Variants in ADAMTSL1 observed in about 807,000 individuals in gnomAD.
The protein encoded by ADAMTSL1 is ADAMTS-like protein 1.
A neutral mutation model predicts 201.8 loss-of-function variants in ADAMTSL1; 126 were observed. The observed-to-expected ratio is 0.62, with a 90% confidence interval of 0.54 to 0.72. ADAMTSL1 has a LOEUF of 0.72. Ranked by LOEUF, ADAMTSL1 falls within the 30% of genes least tolerant of loss-of-function variation. The pLI is 0.00. For missense variants in ADAMTSL1, 2,679 were observed against 2,277.8 expected (o/e 1.18, Z -3.59); for synonymous variants, 1,121 against 903.4 (o/e 1.24, Z -4.32).
At chr9:17,968,158 G>T (rs1022894921) in intron 1 of ADAMTSL1, among the ~76,000 whole-genome samples, 1 of 152,070 alleles carries the variant, frequency 6.6e-6, no homozygotes, top group African/African-American at 2.4e-5. Flanking sequence ...ACCTTAGTGT[G>T]TACTGCTACC....
At chr9:18,329,606 C>A (rs1159269538) in intron 2 of ADAMTSL1, among the ~76,000 whole-genome samples, 1 of 152,188 alleles carries the variant, frequency 6.6e-6, no homozygotes, top group Non-Finnish European at 1.5e-5. Context: ...GTACTTAAAA[C>A]CCCTCATTCA....
intron 1 of ADAMTSL1, among the ~76,000 whole-genome samples, chr9:17,972,996 C>T (rs2131433814): frequency 1.3e-5 from 2 of 148,402 alleles, no homozygotes; most frequent in East Asian, 4.0e-4. Flanking sequence ...CCTTCACCCA[C>T]TTTTTGATGG....
At chr9:18,244,639 A>C (rs2132464302) in intron 2 of ADAMTSL1, among the ~76,000 whole-genome samples, 1 of 152,160 alleles carries the variant, frequency 6.6e-6, no homozygotes, top group East Asian at 1.9e-4. Flanking sequence ...GACTTTCTCC[A>C]ATTTCTCCTA....
At chr9:18,821,053 T>A (rs543486497) in intron 21 of ADAMTSL1, among the ~76,000 whole-genome samples, 2 of 152,256 alleles carry the variant, frequency 1.3e-5, no homozygotes, top group African/African-American at 4.8e-5. Context: ...CATGTTCTCA[T>A]AGATTATGGT....
At chr9:18,871,945 T>A (rs1270283768) in intron 23 of ADAMTSL1, among the ~76,000 whole-genome samples, 1 of 152,176 alleles carries the variant, frequency 6.6e-6, no homozygotes, top group Non-Finnish European at 1.5e-5. Flanking sequence ...AAAGACCAGA[T>A]TCTGGCCTTC....
intron 2 of ADAMTSL1, among the ~76,000 whole-genome samples, chr9:18,313,887 A>G (rs138494717): frequency 1.5e-3 from 225 of 152,298 alleles, no homozygotes; most frequent in African/African-American, 5.1e-3. Context: ...ACCAAATGAA[A>G]AGGCAACCTA....
intron 23 of ADAMTSL1, among the ~76,000 whole-genome samples, chr9:18,847,643 C>T (rs1317292115): frequency 6.7e-6 from 1 of 148,672 alleles, no homozygotes; most frequent in Non-Finnish European, 1.5e-5. Context: ...CTTGAGCCTT[C>T]ACATGTCTGG....
intron 2 of ADAMTSL1, among the ~76,000 whole-genome samples, chr9:18,462,372 C>A (rs955325325): frequency 2.0e-5 from 3 of 152,174 alleles, no homozygotes; most frequent in Non-Finnish European, 4.4e-5. Flanking sequence ...GAGCCCTATG[C>A]TACATACTGG....
Position 18,485,224 on chromosome 9 carries a change from C to T in ADAMTSL1, c.63+10929C>T, listed in dbSNP as rs371507580. On this transcript the variant is annotated intron_variant, in intron 1 of 28. Coordinates refer to ENST00000380548, the MANE Select transcript of ADAMTSL1 (RefSeq NM_001040272.6). ...AGAGTTCATTCATGTCTCAACTCTC[C>T]GGTTTTCTTTTACCAGTACAAGAAA... Among the ~76,000 whole-genome samples, 26 of 152,122 alleles carry T rather than the reference C, an allele frequency of 1.7e-4. No individual in the cohort carries two copies. In the East Asian group the frequency reaches 2.1e-3, roughly 12 times the overall value.
At chr9:18,460,991 C>T (rs10738511) in intron 2 of ADAMTSL1, among the ~76,000 whole-genome samples, 85,850 of 152,020 alleles carry the variant, frequency 0.56, 24,481 homozygotes, top group African/African-American at 0.62. Flanking sequence ...TATCAGAACA[C>T]TGTCATTTTG....
chr9:18,092,559 T>C (rs1824076196), intron 1 of ADAMTSL1, among the ~76,000 whole-genome samples: 1 of 152,200 alleles, frequency 6.6e-6, no homozygotes, highest in Non-Finnish European at 1.5e-5. Flanking sequence ...ACTCCAGTGA[T>C]ACAGGAATAA....
intron 2 of ADAMTSL1, among the ~76,000 whole-genome samples, chr9:18,311,832 A>G (rs889938093): frequency 1.1e-4 from 16 of 152,188 alleles, no homozygotes; most frequent in Non-Finnish European, 2.1e-4. Flanking sequence ...AAGGGCTGCA[A>G]TAAAGATCTC....
chr9:18,654,903 C>T (rs1828527804), intron 7 of ADAMTSL1, among the ~76,000 whole-genome samples: 1 of 152,206 alleles, frequency 6.6e-6, no homozygotes. Context: ...AGTCACATAA[C>T]ACTGTGGATC....
chr9:18,168,105 T>C (rs796498436), intron 2 of ADAMTSL1, among the ~76,000 whole-genome samples: 8 of 152,166 alleles, frequency 5.3e-5, no homozygotes, highest in African/African-American at 1.9e-4. Context: ...ACCATTATAT[T>C]TTTTCTTAAC....
At chr9:18,490,320 T>C (rs75509991) in intron 1 of ADAMTSL1, among the ~76,000 whole-genome samples, 2 of 150,286 alleles carry the variant, frequency 1.3e-5, no homozygotes, top group Non-Finnish European at 3.0e-5. Flanking sequence ...GCAGAGGCAA[T>C]TGATTGGAGG....
At chr9:17,959,667 G>A (rs929158669) in intron 1 of ADAMTSL1, among the ~76,000 whole-genome samples, 11 of 152,020 alleles carry the variant, frequency 7.2e-5, no homozygotes, top group African/African-American at 2.7e-4. Context: ...CATTGTCCAG[G>A]CTGGCCTTGA....
At chr9:18,412,130 C>A (rs558487986) in intron 2 of ADAMTSL1, among the ~76,000 whole-genome samples, 3 of 152,186 alleles carry the variant, frequency 2.0e-5, no homozygotes, top group Admixed American at 1.3e-4. Flanking sequence ...CACCATTTAA[C>A]TTATCCTTCT....
At chr9:18,506,588 G>A (rs993123304) in intron 2 of ADAMTSL1, among the ~76,000 whole-genome samples, 21 of 95,098 alleles carry the variant, frequency 2.2e-4, no homozygotes, top group South Asian at 1.3e-3. Context: ...GATGCCATGC[G>A]AAATTCAAAA....
At chr9:18,249,444 T>C (rs982951994) in intron 2 of ADAMTSL1, among the ~76,000 whole-genome samples, 1 of 152,140 alleles carries the variant, frequency 6.6e-6, no homozygotes, top group Admixed American at 6.6e-5. Context: ...TATAGAGACA[T>C]TAACATAGAG....
Sources: gnomAD v4.1 joint callset for allele counts (sites outside exome capture counted in the v4.1 genomes callset) on GRCh38, gnomAD v4.1.1 for gene constraint, MANE v1.5 for transcripts, NCBI Gene and HGNC (gene_info 2026-07-23, HGNC 2026-07-21) for gene names.